Variants in DOP1A observed in about 807,000 individuals in gnomAD.
The protein encoded by DOP1A is protein DOP1A.
Under a neutral mutation model 267.6 loss-of-function variants are expected in DOP1A, and 90 were observed. That is an observed-to-expected ratio of 0.34 (90% CI 0.28 to 0.40). The LOEUF (loss-of-function observed/expected upper bound fraction) is 0.40. Ranked by LOEUF, DOP1A falls within the 10% of genes least tolerant of loss-of-function variation. The pLI is 1.00. For synonymous variants in DOP1A, 932 were observed against 999.1 expected (o/e 0.93, Z 1.27); for missense variants, 2,437 against 2,900.4 (o/e 0.84, Z 3.67).
intron 4 of DOP1A, among the ~76,000 whole-genome samples, chr6:83,105,854 ACT>A (rs1773521850): frequency 1.3e-5 from 2 of 152,138 alleles, no homozygotes; most frequent in African/African-American, 4.8e-5. Flanking sequence ...CTACTTTCTA[ACT>A]CTTAACAGAA....
intron 3 of DOP1A, among the ~76,000 whole-genome samples, chr6:83,097,374 G>A (rs1191185857): frequency 1.3e-5 from 2 of 152,128 alleles, no homozygotes; most frequent in Non-Finnish European, 2.9e-5. Context: ...AAAAACAGAA[G>A]AGAAGGAAGC....
chr6:83,168,047 A>G lies in DOP1A; in HGVS notation c.7278A>G (p.Ser2426=), dbSNP rs766515844. The change falls in exon 39 of 39, where the codon TCA becomes TCG. Residue 2426 remains serine, a synonymous_variant. Coordinates refer to ENST00000349129, the MANE Select transcript of DOP1A (RefSeq NM_015018.4). ...GGHSGSPILY[S]NAFPNKDMKL... ...ACTCAGGGAGTCCTATCCTCTACTCAAATGCCTTCCCTAATAAGGACATGA... is the reference window on the plus strand; with the variant it reads ...ACTCAGGGAGTCCTATCCTCTACTCGAATGCCTTCCCTAATAAGGACATGA... 1.2e-6 allele frequency: 2 copies of G among 1,614,204 alleles called. No individual in the cohort carries two copies. Among genetic ancestry groups the G allele is most frequent in the Non-Finnish European group, 1.7e-6 (2 of 1,180,038 alleles).
intron 9 of DOP1A, 97 bp from the exon 10 acceptor site, chr6:83,120,586 T>C: frequency 7.2e-6 from 7 of 973,790 alleles, no homozygotes; most frequent in Non-Finnish European, 1.0e-5. Flanking sequence ...GGTATAAGTC[T>C]CCGTTATATA....
At position 83,096,916 on chromosome 6, in the gene DOP1A, CTT is replaced by C; in HGVS notation, c.-53-6_-53-5del. 3.8e-6 allele frequency: 6 copies of C among 1,577,624 alleles called. No individual in the cohort carries two copies. Among genetic ancestry groups the C allele is most frequent in the Non-Finnish European group, 5.2e-6 (6 of 1,163,022 alleles). ...GTAACCTTGGTTCCTCCTGCAAACT[CTT>C]TTGTAGGTAATGACTTTACATGAGT... On this transcript the variant is annotated splice_region_variant and splice_polypyrimidine_tract_variant and intron_variant, in intron 2 of 38. Transcript: ENST00000349129.
chr6:83,076,659 G>A (rs898507230), intron 1 of DOP1A, among the ~76,000 whole-genome samples: 1 of 151,990 alleles, frequency 6.6e-6, no homozygotes, highest in Non-Finnish European at 1.5e-5. Context: ...AACTTCTTGG[G>A]CACTGTTGGT....
At chr6:83,168,919 G>C, downstream of DOP1A, 4 of 1,090,070 alleles carry the variant, frequency 3.7e-6, no homozygotes, top group Non-Finnish European at 4.5e-6. Flanking sequence ...TTGGTAATAA[G>C]ATTTAATTTT....
intron 3 of DOP1A, among the ~76,000 whole-genome samples, chr6:83,097,482 G>C (rs1455662900): frequency 6.6e-6 from 1 of 152,218 alleles, no homozygotes; most frequent in Non-Finnish European, 1.5e-5. Context: ...CAAATGGAAA[G>C]CAGTAATTCC....
At chr6:83,105,093 A>G (rs933892723) in intron 4 of DOP1A, among the ~76,000 whole-genome samples, 1 of 152,104 alleles carries the variant, frequency 6.6e-6, no homozygotes, top group African/African-American at 2.4e-5. Flanking sequence ...AAGACATATA[A>G]TAACCAAACA....
At chr6:83,093,092 A>G (rs1017789253) in intron 1 of DOP1A, among the ~76,000 whole-genome samples, 2 of 152,186 alleles carry the variant, frequency 1.3e-5, no homozygotes, top group Non-Finnish European at 2.9e-5. Flanking sequence ...AGCATCAAAT[A>G]TCAAGTTTTA....
At chr6:83,071,956 C>T (rs549877013) in intron 1 of DOP1A, among the ~76,000 whole-genome samples, 3 of 152,202 alleles carry the variant, frequency 2.0e-5, no homozygotes, top group African/African-American at 7.2e-5. Context: ...TGGCAAAGCT[C>T]CTGTATGAGT....
At position 83,109,002 on chromosome 6, in the gene DOP1A, A is replaced by G; in HGVS notation, c.413A>G (p.Lys138Arg). ...LYEIYYLPLG[K>R]TLKPGLQGLL... is the part of the protein sequence containing the mutation. ...GAGATATATTATCTGCCTTTGGGTA[A>G]AACACTGAAACCTGGTCTACAGGGA... Residue 138 changes from lysine to arginine, a missense_variant, in exon 5 of 39, where the codon AAA becomes AGA. Transcript: ENST00000349129. 3 of 1,613,810 alleles carry G rather than the reference A, an allele frequency of 1.9e-6. No homozygotes were observed. The highest frequency in any genetic ancestry group is 2.5e-6 in the Non-Finnish European group (3 of 1,179,880).
rs62419230 is a variant in DOP1A at position 83,130,896 on chromosome 6, G to A, written c.2616+499G>A. Among the ~76,000 whole-genome samples, 107 of 151,808 alleles carry A rather than the reference G, an allele frequency of 7.0e-4. 2 individuals carry two copies. Among genetic ancestry groups the A allele is most frequent in the Non-Finnish European group, 1.1e-3 (75 of 67,928 alleles). ...TGGGATTACAGGCGTGTGCCACCAC[G>A]CCCAGCTAATTTTTGTATTTTTAGT... On this transcript the variant is annotated intron_variant, in intron 17 of 38. Transcript: ENST00000349129.
intron 1 of DOP1A, among the ~76,000 whole-genome samples, chr6:83,092,702 A>G (rs979651018): frequency 2.4e-4 from 36 of 152,026 alleles, no homozygotes; most frequent in Admixed American, 1.9e-3. Flanking sequence ...CAAATTAGGC[A>G]TAGTACTCTT....
chr6:83,128,775 A>T, intron 15 of DOP1A, 112 bp from the exon 16 acceptor site: 2 of 1,258,842 alleles, frequency 1.6e-6, no homozygotes, highest in Non-Finnish European at 2.1e-6. Flanking sequence ...AGTCAACAGA[A>T]TGGGCAGATT....
intron 3 of DOP1A, among the ~76,000 whole-genome samples, chr6:83,098,653 TATGGGTGAA>T (rs1344142747): frequency 6.6e-6 from 1 of 151,994 alleles, no homozygotes; most frequent in Non-Finnish European, 1.5e-5. Flanking sequence ...TAGTGTGAGG[TATGGGTGAA>T]GGGACGTAGA....
chr6:83,157,023 C>A (rs1015556522), intron 34 of DOP1A, among the ~76,000 whole-genome samples, 159 bp from the exon 35 acceptor site: 17 of 152,086 alleles, frequency 1.1e-4, no homozygotes, highest in African/African-American at 3.9e-4. Context: ...AATTGGAGTT[C>A]TCTTATTCGT....
downstream of DOP1A, among the ~76,000 whole-genome samples, chr6:83,170,082 G>C (rs1262185906): frequency 6.6e-6 from 1 of 152,142 alleles, no homozygotes; most frequent in East Asian, 1.9e-4. Flanking sequence ...AGGAAGTCTA[G>C]AATAAGTCAA....
chr6:83,082,610 A>G (rs1428879866), intron 1 of DOP1A, among the ~76,000 whole-genome samples: 1 of 152,154 alleles, frequency 6.6e-6, no homozygotes, highest in Non-Finnish European at 1.5e-5. Context: ...GGCTATGGTT[A>G]ATGATGATAT....
intron 3 of DOP1A, among the ~76,000 whole-genome samples, chr6:83,098,449 C>T (rs1431451547): frequency 6.6e-6 from 1 of 152,160 alleles, no homozygotes; most frequent in Non-Finnish European, 1.5e-5. Flanking sequence ...AGGTTGAGGG[C>T]TGAGCCTCAT....
Sources: allele counts gnomAD v4.1 joint callset (sites outside exome capture counted in the v4.1 genomes callset), GRCh38; gene constraint gnomAD v4.1.1; transcripts MANE v1.5; gene names NCBI Gene and HGNC (gene_info 2026-07-23, HGNC 2026-07-21).